RGS3: variants seen among roughly 807,000 people sequenced by gnomAD.
The protein encoded by RGS3 is regulator of G protein signaling 3, also known as regulator of G-protein signalling 3.
A neutral mutation model predicts 132.6 loss-of-function variants in RGS3; 80 were observed. That is an observed-to-expected ratio of 0.60 (90% CI 0.50 to 0.73). The LOEUF is 0.73. RGS3 is among the 30% of genes least tolerant of loss of function. The pLI is 0.00. For synonymous variants in RGS3, 598 were observed against 620.6 expected (o/e 0.96, Z 0.54); for missense variants, 1,382 against 1,530.8 (o/e 0.90, Z 1.62).
intron 19 of RGS3, among the ~76,000 whole-genome samples, chr9:113,539,889 G>C (rs1024275216): frequency 6.6e-6 from 1 of 152,210 alleles, no homozygotes; most frequent in Non-Finnish European, 1.5e-5. Flanking sequence ...ACAGTTGGGA[G>C]GTCACTCCCT....
rs749391635 is a variant in RGS3, at chr9:113,591,456, TCTCTC to T, written c.3080+64_3080+68del. 3.4e-6 allele frequency: 5 copies of T among 1,479,172 alleles called. No individual in the cohort carries two copies. In the South Asian group the frequency reaches 4.5e-5, roughly 13 times the overall value. The allele number at this position is 1,479,172 out of a possible 1,614,324, so 91.6% of individuals were successfully genotyped here. On this transcript the variant is annotated intron_variant, in intron 21 of 24. Coordinates refer to ENST00000350696, the Ensembl canonical transcript of RGS3. The surrounding 1 kb of genome is among the most constrained non-coding windows in gnomAD (Gnocchi z 4.4). The stretch of plus-strand genomic sequence containing the variant: ...TCTTCCTCCCTTGCCCCAGGGCTTG[TCTCTC>T]CTCTAGGGGTCCAGGTGGGGAGAAG...
chr9:113,520,058 A>C (rs1831866433), intron 16 of RGS3, among the ~76,000 whole-genome samples: 1 of 152,222 alleles, frequency 6.6e-6, no homozygotes, highest in Non-Finnish European at 1.5e-5. Flanking sequence ...AAGCTTAGTT[A>C]GGGCCACTTG....
intron 1 of RGS3, among the ~76,000 whole-genome samples, chr9:113,450,118 G>C (rs1265329887): frequency 6.6e-6 from 1 of 151,182 alleles, no homozygotes; most frequent in East Asian, 1.9e-4. Flanking sequence ...TGCCCAGGCT[G>C]GAGTGCAGTG....
At position 113,565,439 on chromosome 9, in the gene RGS3, G is replaced by A. The variant is rs897114018; in HGVS notation, c.2038-18011G>A. Reference sequence around the variant, plus strand: ...GAGGAGGAGGAAGAGGAGGAGGGACGGGTGATGCAAGGGTTTTGAAAGCGC... The same window carrying A: ...GAGGAGGAGGAAGAGGAGGAGGGACAGGTGATGCAAGGGTTTTGAAAGCGC... On this transcript the variant is annotated intron_variant, in intron 19 of 24. Transcript: ENST00000350696. The surrounding 1 kb of genome is among the most constrained non-coding windows in gnomAD (Gnocchi z 5.7). 1.5e-5 allele frequency: 19 copies of A among 1,228,718 alleles called. No homozygotes were observed. The highest frequency in any genetic ancestry group is 5.7e-5 in the East Asian group (1 of 17,694). The allele number at this position is 1,228,718 out of a possible 1,614,324, so 76.1% of individuals were successfully genotyped here.
chr9:113,507,179 T>C lies in RGS3; in HGVS notation c.1086-108T>C, dbSNP rs1176614912. On this transcript the variant is annotated intron_variant, in intron 12 of 24. Transcript: ENST00000350696. The surrounding 1 kb of genome is among the most constrained non-coding windows in gnomAD (Gnocchi z 5.0). ...CTGACACTGGGGGCTTCCCCTCTGG[T>C]GTCTGCCTCCTCTTCCCCCATTATC... 3 of 866,598 alleles carry C rather than the reference T, an allele frequency of 3.5e-6. No individual in the cohort carries two copies. The highest frequency in any genetic ancestry group is 5.3e-6 in the Non-Finnish European group (3 of 564,580). The allele number at this position is 866,598 out of a possible 1,614,324, so 53.7% of individuals were successfully genotyped here. A position where few individuals can be genotyped will look rare whatever the true frequency, so the allele number is the denominator to read the frequency against.
intron 19 of RGS3, among the ~76,000 whole-genome samples, chr9:113,551,585 C>T (rs1833340684): frequency 6.6e-6 from 1 of 152,144 alleles, no homozygotes; most frequent in Admixed American, 6.5e-5. Flanking sequence ...CGTGGTGGCT[C>T]ATGTCTGTAA....
chr9:113,485,519 G>A (rs1376205833), intron 6 of RGS3, 106 bp from the exon 5 acceptor site: 3 of 738,220 alleles, frequency 4.1e-6, no homozygotes, highest in African/African-American at 3.5e-5. Context: ...TTAACCAGCT[G>A]TTGACGTTAC....
intron 14 of RGS3, among the ~76,000 whole-genome samples, chr9:113,511,396 T>G (rs1006302763): frequency 1.3e-5 from 2 of 149,678 alleles, no homozygotes; most frequent in Non-Finnish European, 3.0e-5. Flanking sequence ...CAAGCTGTAC[T>G]GTTCTAAAAA....
intron 8 of RGS3, 86 bp from the exon 7 acceptor site, chr9:113,497,228 G>A: frequency 9.5e-7 from 1 of 1,055,860 alleles, no homozygotes; most frequent in Non-Finnish European, 1.4e-6. Flanking sequence ...GGTGTCCAGT[G>A]GCTACTTTTG....
intron 8 of RGS3, among the ~76,000 whole-genome samples, chr9:113,496,593 C>G (rs1472381522): frequency 1.3e-5 from 2 of 152,016 alleles, no homozygotes; most frequent in Non-Finnish European, 2.9e-5. Flanking sequence ...CTCTGTTGCC[C>G]AGGCTGGAAT....
exon 25 of RGS3, chr9:113,597,597 C>T (rs955534140): frequency 6.6e-6 from 1 of 152,530 alleles, no homozygotes; most frequent in African/African-American, 2.4e-5. Flanking sequence ...TGGGGGGACA[C>T]TGCAGTCTGG....
In RGS3 at chr9:113,525,834, G is replaced by T. The variant is rs118121138; in HGVS notation, c.1870+2793G>T. Among the ~76,000 whole-genome samples, 217 of 152,306 alleles carry T rather than the reference G, an allele frequency of 1.4e-3. 1 individual carries two copies. Among genetic ancestry groups the T allele is most frequent in the Middle Eastern group, 6.8e-3 (2 of 294 alleles). ...CACTGTGGGTGCCTAATCAATGTTT[G>T]TTGTGTGAATGAATGACTAAAAGGA... On this transcript the variant is annotated intron_variant, in intron 17 of 24. Transcript: ENST00000350696.
At chr9:113,510,791 A>C (rs1831370144) in intron 14 of RGS3, among the ~76,000 whole-genome samples, 1 of 152,224 alleles carries the variant, frequency 6.6e-6, no homozygotes. Context: ...GCATTGTATT[A>C]AGATCCTGAC....
In RGS3 at chr9:113,565,436, G is replaced by C; in HGVS notation, c.2038-18014G>C. 2.7e-5 allele frequency: 33 copies of C among 1,223,670 alleles called. No individual in the cohort carries two copies. Among genetic ancestry groups the C allele is most frequent in the African/African-American group, 3.1e-5 (2 of 64,500 alleles). The allele number at this position is 1,223,670 out of a possible 1,614,324, so 75.8% of individuals were successfully genotyped here. On this transcript the variant is annotated intron_variant, in intron 19 of 24. Transcript: ENST00000350696. The surrounding 1 kb of genome is among the most constrained non-coding windows in gnomAD (Gnocchi z 5.7). ...TAGGAGGAGGAGGAAGAGGAGGAGG[G>C]ACGGGTGATGCAAGGGTTTTGAAAG...
At chr9:113,472,486 G>T (rs1244571596) in intron 3 of RGS3, among the ~76,000 whole-genome samples, 1 of 152,174 alleles carries the variant, frequency 6.6e-6, no homozygotes, top group African/African-American at 2.4e-5. Context: ...GGTGAACCTT[G>T]AAAACATTAT....
intron 19 of RGS3, among the ~76,000 whole-genome samples, chr9:113,555,744 CGT>C (rs1833541129): frequency 6.6e-6 from 1 of 152,166 alleles, no homozygotes; most frequent in Non-Finnish European, 1.5e-5. Flanking sequence ...GGATTACAGG[CGT>C]GAGCCACCCT....
intron 19 of RGS3, among the ~76,000 whole-genome samples, chr9:113,557,931 G>T (rs1222866191): frequency 6.6e-6 from 1 of 152,198 alleles, no homozygotes; most frequent in African/African-American, 2.4e-5. Context: ...GAAGCTGTGG[G>T]AAGAAGTGTG....
intron 10 of RGS3, chr9:113,501,488 A>C: frequency 6.6e-7 from 1 of 1,515,022 alleles, no homozygotes; most frequent in Non-Finnish European, 8.8e-7. Flanking sequence ...CAGGGTGCTC[A>C]TGCCAGGCTG....
upstream of RGS3, among the ~76,000 whole-genome samples, chr9:113,457,698 C>A (rs553721325): frequency 1.3e-5 from 2 of 152,222 alleles, no homozygotes; most frequent in African/African-American, 4.8e-5. Flanking sequence ...CAACCTGATT[C>A]AGTTAACAAC....
Sources: gnomAD v4.1 joint callset for allele counts (sites outside exome capture counted in the v4.1 genomes callset) on GRCh38, gnomAD v4.1.1 for gene constraint, Gnocchi (gnomAD v3.1) non-coding constraint, MANE v1.5 for transcripts, NCBI Gene and HGNC (gene_info 2026-07-23, HGNC 2026-07-21) for gene names.